The following FOXP2 variants were observed in gnomAD, a reference collection of about 807,000 sequenced individuals.
FOXP2 encodes forkhead box P2.
In FOXP2, 12 loss-of-function variants were observed where a neutral mutation model predicts 115.8. The ratio of observed to expected loss-of-function variants is 0.10; its 90% CI spans 0.07 to 0.17. The LOEUF (loss-of-function observed/expected upper bound fraction) is 0.17. Ranked by LOEUF, FOXP2 falls within the 10% of genes least tolerant of loss-of-function variation. FOXP2 has a pLI of 1.00. For synonymous variants in FOXP2, 328 were observed against 297.7 expected (o/e 1.10, Z -1.05); for missense variants, 629 against 843.5 (o/e 0.75, Z 3.15).
chr7:114,627,368 A>G (rs1210444012), intron 3 of FOXP2, among the ~76,000 whole-genome samples: 1 of 152,054 alleles, frequency 6.6e-6, no homozygotes, highest in Non-Finnish European at 1.5e-5. Flanking sequence ...TTTACAGTAA[A>G]AGTGAATTGT....
intron 10 of FOXP2, chr7:114,656,591 T>C (rs1400085632): frequency 2.4e-6 from 1 of 409,042 alleles, no homozygotes; most frequent in Non-Finnish European, 4.9e-6. Context: ...CAGCTTTCAT[T>C]TATGTACGTA....
chr7:114,610,662 T>G (rs1803577469), intron 3 of FOXP2, among the ~76,000 whole-genome samples: 1 of 151,312 alleles, frequency 6.6e-6, no homozygotes, highest in Non-Finnish European at 1.5e-5. Flanking sequence ...TGCTAAGAGG[T>G]TTTTTCAATT....
intron 3 of FOXP2, 123 bp from the exon 4 acceptor site, chr7:114,628,417 C>A (rs562430227): frequency 4.5e-4 from 580 of 1,295,606 alleles, no homozygotes; most frequent in Non-Finnish European, 6.1e-4. Context: ...TAAAATGTGA[C>A]GTAAAAATTA....
At chr7:114,567,346 A>C (rs1801076936) in intron 3 of FOXP2, among the ~76,000 whole-genome samples, 1 of 152,078 alleles carries the variant, frequency 6.6e-6, no homozygotes, top group Non-Finnish European at 1.5e-5. Flanking sequence ...CTGTCTAGAG[A>C]GAGAGGACAG....
At chr7:114,566,038 G>A (rs963854083) in intron 3 of FOXP2, among the ~76,000 whole-genome samples, 4 of 152,136 alleles carry the variant, frequency 2.6e-5, no homozygotes, top group Admixed American at 6.5e-5. Context: ...AAGCTAAAAT[G>A]TGTTATCCTG....
chr7:114,601,175 A>G (rs1399391376), intron 3 of FOXP2, among the ~76,000 whole-genome samples: 1 of 152,140 alleles, frequency 6.6e-6, no homozygotes, highest in African/African-American at 2.4e-5. Flanking sequence ...CATGTTGGCT[A>G]GGCTGGTCTT....
intron 6 of FOXP2, among the ~76,000 whole-genome samples, chr7:114,642,108 A>G (rs1050484243): frequency 6.6e-6 from 1 of 151,932 alleles, no homozygotes; most frequent in African/African-American, 2.4e-5. Flanking sequence ...GCCTGGCCCT[A>G]GTTCAATTTT....
chr7:114,142,602 CTT>C (rs1442489523), intron 1 of FOXP2, among the ~76,000 whole-genome samples: 3 of 152,070 alleles, frequency 2.0e-5, no homozygotes, highest in African/African-American at 7.2e-5. Context: ...TTTATATTGA[CTT>C]AAACTCTTCA....
chr7:114,563,028 A>T (rs901599085), intron 3 of FOXP2, among the ~76,000 whole-genome samples: 3 of 152,308 alleles, frequency 2.0e-5, no homozygotes, highest in East Asian at 3.9e-4. Flanking sequence ...CACATCTTAC[A>T]TAGCAGCAGG....
chr7:114,457,054 G>C lies in FOXP2; in HGVS notation c.168+30375G>C, dbSNP rs139001507. 2.1e-3 allele frequency among the ~76,000 whole-genome samples: 315 copies of C among 152,240 alleles called. 3 individuals carry two copies. The highest frequency in any genetic ancestry group is 3.8e-3 in the Admixed American group (58 of 15,290). On this transcript the variant is annotated intron_variant, in intron 2 of 16. Transcript: ENST00000350908. ...GTAAGACAAAGGGTACAAAGTTGCAGATATATAGGATGAATAATTCTGGAG... is the reference window on the plus strand; with the variant it reads ...GTAAGACAAAGGGTACAAAGTTGCACATATATAGGATGAATAATTCTGGAG...
chr7:114,263,409 T>C (rs1204280572), intron 1 of FOXP2, among the ~76,000 whole-genome samples: 2 of 151,534 alleles, frequency 1.3e-5, no homozygotes, highest in South Asian at 2.1e-4. Context: ...TTTTCCTTTT[T>C]CCTTTTCCCT....
intron 1 of FOXP2, among the ~76,000 whole-genome samples, chr7:114,192,908 T>C (rs571416393): frequency 6.6e-6 from 1 of 152,294 alleles, no homozygotes; most frequent in African/African-American, 2.4e-5. Context: ...TGGACTGTGT[T>C]CAAGTGATGA....
intron 2 of FOXP2, among the ~76,000 whole-genome samples, chr7:114,460,035 G>A (rs1766708396): frequency 6.6e-6 from 1 of 152,158 alleles, no homozygotes; most frequent in African/African-American, 2.4e-5. Context: ...CATGTCTTCA[G>A]AACGATTGTG....
chr7:114,284,060 C>G (rs1796403128), intron 1 of FOXP2, among the ~76,000 whole-genome samples: 1 of 152,130 alleles, frequency 6.6e-6, no homozygotes. Context: ...GAAGATAGGT[C>G]AAATGGTCTG....
chr7:114,331,768 A>G (rs987421038), intron 2 of FOXP2, among the ~76,000 whole-genome samples: 1 of 151,648 alleles, frequency 6.6e-6, no homozygotes, highest in African/African-American at 2.4e-5. Flanking sequence ...CCCGGGTTCA[A>G]GTGATTTTCT....
intron 3 of FOXP2, among the ~76,000 whole-genome samples, chr7:114,553,522 A>G (rs1800310559): frequency 6.6e-6 from 1 of 152,186 alleles, no homozygotes; most frequent in Admixed American, 6.5e-5. Flanking sequence ...TTTTCAAGAA[A>G]TAAATAACAT....
At chr7:114,467,754 A>G (rs768706488) in intron 2 of FOXP2, among the ~76,000 whole-genome samples, 4 of 152,156 alleles carry the variant, frequency 2.6e-5, no homozygotes, top group Non-Finnish European at 5.9e-5. Flanking sequence ...TGAATAGAAG[A>G]TACTTTCTTA....
intron 1 of FOXP2, among the ~76,000 whole-genome samples, chr7:114,130,203 G>C (rs912135167): frequency 1.3e-5 from 2 of 152,106 alleles, no homozygotes; most frequent in Non-Finnish European, 2.9e-5. Context: ...TGTACCTGTA[G>C]CCCCAGCTAC....
At chr7:114,652,002 T>C (rs1273233940) in intron 8 of FOXP2, among the ~76,000 whole-genome samples, 1 of 152,166 alleles carries the variant, frequency 6.6e-6, no homozygotes, top group East Asian at 1.9e-4. Context: ...TTTTCTGCCA[T>C]TTGAAGAGTC....
Sources: allele counts gnomAD v4.1 joint callset (sites outside exome capture counted in the v4.1 genomes callset), GRCh38; gene constraint gnomAD v4.1.1; transcripts MANE v1.5; gene names NCBI Gene and HGNC (gene_info 2026-07-23, HGNC 2026-07-21).